Variants in PRPF40B observed in about 807,000 individuals in gnomAD.
PRPF40B encodes pre-mRNA processing factor 40B, also known as pre-mRNA-processing factor 40 homolog B.
In PRPF40B, 56 loss-of-function variants were observed where a neutral mutation model predicts 124.5. The observed-to-expected ratio is 0.45, with a 90% CI of 0.36 to 0.56. PRPF40B has a LOEUF of 0.56. Ranked by LOEUF, PRPF40B falls within the 20% of genes least tolerant of loss-of-function variation. The pLI is 0.00. For synonymous variants in PRPF40B, 443 were observed against 426.4 expected (o/e 1.04, Z -0.48); for missense variants, 1,053 against 1,169.5 (o/e 0.90, Z 1.45).
At chr12:49,639,263 A>T (rs921269539) in intron 18 of PRPF40B, 1 of 152,220 alleles carries the variant, frequency 6.6e-6, no homozygotes, top group Admixed American at 6.5e-5. Flanking sequence ...AAGCCTCAAG[A>T]TACTAAAACT....
chr12:49,634,775 G>A, intron 12 of PRPF40B, 173 bp downstream of exon 12: 1 of 714,144 alleles, frequency 1.4e-6, no homozygotes, highest in Non-Finnish European at 2.3e-6. Context: ...AGAAGGAAAG[G>A]AAAGGTATCT....
chr12:49,643,426 G>A, intron 23 of PRPF40B, 29 bp downstream of exon 23: 1 of 1,531,684 alleles, frequency 6.5e-7, no homozygotes, highest in Non-Finnish European at 8.8e-7. Context: ...CGTAGAAGCT[G>A]GAGAACTGTT....
chr12:49,625,961 C>G (rs773395575), intron 1 of PRPF40B, among the ~76,000 whole-genome samples: 19 of 152,172 alleles, frequency 1.2e-4, no homozygotes, highest in Non-Finnish European at 2.1e-4. Context: ...TTGTTCTGTC[C>G]TCTGTGGGGA....
Position 49,623,998 on chromosome 12 carries a change from C to G in PRPF40B, c.3+405C>G, listed in dbSNP as rs539916634. On this transcript the variant is annotated intron_variant, in intron 1 of 25. Transcript: ENST00000548825. Reference sequence around the variant, plus strand: ...GGTGTGCGACATGCCCTTCCCCCAGCCCCAGCGCCCGTTCCCTTTGGAAGC... The same window carrying G: ...GGTGTGCGACATGCCCTTCCCCCAGGCCCAGCGCCCGTTCCCTTTGGAAGC... 328 of 1,016,632 alleles carry G rather than the reference C, an allele frequency of 3.2e-4. 2 individuals are homozygous for G. The African/African-American group carries it at 5.2e-3, about 16-fold the overall frequency. 63.0% of individuals were successfully genotyped at this position (1,016,632 alleles called of 1,614,324 possible).
intron 18 of PRPF40B, 181 bp from the exon 19 acceptor site, chr12:49,641,727 T>A: frequency 3.4e-6 from 2 of 591,028 alleles, no homozygotes; most frequent in Non-Finnish European, 6.0e-6. Flanking sequence ...AGGGTAGGCA[T>A]GGGGGCTTAA....
rs1430765638 is a variant in PRPF40B at position 49,634,185 on chromosome 12, G to T, written c.812+93G>T. 3 of 1,573,768 alleles carry T rather than the reference G, an allele frequency of 1.9e-6. No homozygotes were observed. In the African/African-American group the frequency reaches 4.1e-5, roughly 21 times the overall value. On this transcript the variant is annotated intron_variant, in intron 10 of 25. Coordinates refer to ENST00000548825, the MANE Select transcript of PRPF40B (RefSeq NM_001031698.3). The stretch of plus-strand genomic sequence containing the variant: ...CTCTGCTGGGCCTCTCTCTCAGGAG[G>T]GGTTTGAAGATCTGGGTGTGACCTC...
chr12:49,635,181 C>T lies in PRPF40B; in HGVS notation c.1084C>T (p.Arg362Trp), dbSNP rs746174120. Reference sequence around the variant, plus strand: ...GGAGAAGGAGGAGAAGGAGGAGGCCCGGCTAAGGGCCAAAGAGGCCAAGCA... The same window carrying T: ...GGAGAAGGAGGAGAAGGAGGAGGCCTGGCTAAGGGCCAAAGAGGCCAAGCA... ...QREKEEKEEA[R>W]LRAKEAKQTL... is the part of the protein sequence containing the mutation. Residue 362 changes from arginine to tryptophan, a missense_variant, in exon 13 of 26, where the codon CGG (arginine) becomes TGG (tryptophan). By Grantham distance (101) the Arg-to-Trp change is moderately radical. Around this residue, in one of 2 missense-constraint regions of PRPF40B, gnomAD observed 895 missense variants for 1,052.2 expected, o/e 0.85. Coordinates refer to ENST00000548825, the MANE Select transcript of PRPF40B (RefSeq NM_001031698.3). This position sits in a 1 kb window ranked among gnomAD's most constrained non-coding sequence, Gnocchi z 4.1. 3.1e-6 allele frequency: 5 copies of T among 1,613,970 alleles called. No individual in the cohort carries two copies. The highest frequency in any genetic ancestry group is 2.7e-5 in the African/African-American group (2 of 74,908).
chr12:49,631,810 G>A lies in PRPF40B; in HGVS notation c.229-50G>A. The A allele has an allele frequency of 6.4e-7, 1 of 1,567,626 alleles. No homozygotes were observed. The highest frequency in any genetic ancestry group is 8.8e-7 in the Non-Finnish European group (1 of 1,138,786). The stretch of plus-strand genomic sequence containing the variant: ...CCCTTTGAGGTACCCTGTCCCTCCT[G>A]TTCCAGCCCTTACCTTGGTGGTTGG... On this transcript the variant is annotated intron_variant, in intron 3 of 25. Transcript: ENST00000548825. The surrounding 1 kb of genome is among the most constrained non-coding windows in gnomAD (Gnocchi z 4.3).
Position 49,635,927 on chromosome 12 carries a change from A to G in PRPF40B, c.1360A>G (p.Thr454Ala), listed in dbSNP as rs747835200. 3.7e-6 allele frequency: 6 copies of G among 1,613,934 alleles called. No individual in the cohort carries two copies. The Admixed American group carries it at 5.0e-5, about 13-fold the overall frequency. The change falls in exon 15 of 26, where the codon ACG becomes GCG. Residue 454 changes from threonine to alanine, a missense_variant. Coordinates refer to ENST00000548825, the MANE Select transcript of PRPF40B (RefSeq NM_001031698.3). The surrounding 1 kb of genome is among the most constrained non-coding windows in gnomAD (Gnocchi z 4.1). ...GATGAGTAGTGTCAACTTCCAAACC[A>G]CGTGGTCCCAGGCCCAGCAGTACCT... The part of the protein sequence containing the change: ...DGMSSVNFQT[T>A]WSQAQQYLMD...
Position 49,637,554 on chromosome 12 carries a change from G to A in PRPF40B, c.1645G>A (p.Val549Ile), listed in dbSNP as rs1407519808. Reference protein sequence around the residue: ...MELYPAVSTDVRFANMLGQPG... With the variant: ...MELYPAVSTDIRFANMLGQPG... ...GCTATATCCAGCAGTCAGCACTGAT[G>A]TCCGCTTTGCCAACATGCTGGGCCA... Residue 549 changes from valine (V) to isoleucine (I), a missense_variant, in exon 17 of 26, where the codon GTC (valine) becomes ATC (isoleucine). Val to Ile is a conservative substitution (Grantham distance 29, BLOSUM62 3). This residue lies in a region of PRPF40B where 895 missense variants were observed against 1,052.2 expected (regional missense o/e 0.85). Transcript: ENST00000548825. The A allele has an allele frequency of 1.9e-6, 3 of 1,613,724 alleles. No individual in the cohort carries two copies. In the African/African-American group the frequency reaches 4.0e-5, roughly 22 times the overall value.
chr12:49,641,662 T>C (rs1332158673), intron 18 of PRPF40B: 6 of 493,644 alleles, frequency 1.2e-5, no homozygotes, highest in African/African-American at 9.6e-5. Flanking sequence ...TCAGCATTAA[T>C]CAGCAGTTGG....
intron 1 of PRPF40B, 43 bp downstream of exon 1, chr12:49,623,636 A>G: frequency 8.2e-7 from 1 of 1,226,870 alleles, no homozygotes. Context: ...GGGCGGTCCC[A>G]CAGCGCCCCC....
At chr12:49,639,741 A>G (rs1942345911) in intron 18 of PRPF40B, 1 of 152,288 alleles carries the variant, frequency 6.6e-6, no homozygotes, top group South Asian at 2.1e-4. Flanking sequence ...TAGAATTGAT[A>G]GATTTTGTGA....
Position 49,637,835 on chromosome 12 carries a change from C to G in PRPF40B, c.1767+11C>G. The G allele has an allele frequency of 6.3e-7, 1 of 1,591,600 alleles. No individual in the cohort carries two copies. The highest frequency in any genetic ancestry group is 1.3e-5 in the African/African-American group (1 of 74,560). On this transcript the variant is annotated intron_variant, in intron 18 of 25. Coordinates refer to ENST00000548825, the MANE Select transcript of PRPF40B (RefSeq NM_001031698.3). ...AAGGACATCCTTAAGGTGAGGGAGG[C>G]TGGGGTTATGGATGGATACAGGATG...
rs1942877996 is a variant in PRPF40B, at chr12:49,643,015, CAGTG to C, written c.2205+3_2205+6del. Reference sequence around the variant, plus strand: ...CATCACAAGCGTTCCCACTCACCCTCAGTGAGTAAGCGTGTAGAAGGGACATGGG... The same window carrying C: ...CATCACAAGCGTTCCCACTCACCCTCAGTAAGCGTGTAGAAGGGACATGGG... On this transcript the variant is annotated splice_donor_variant and splice_donor_region_variant and coding_sequence_variant and intron_variant, in exon 22 of 26. Coordinates refer to ENST00000548825, the MANE Select transcript of PRPF40B (RefSeq NM_001031698.3). LOFTEE classifies it high-confidence loss of function. 3 of 1,613,306 alleles carry C rather than the reference CAGTG, an allele frequency of 1.9e-6. No individual in the cohort carries two copies. The East Asian group carries it at 6.7e-5, about 36-fold the overall frequency.
chr12:49,623,341 C>T (rs1565820410), upstream of PRPF40B: 1 of 187,604 alleles, frequency 5.3e-6, no homozygotes, highest in Non-Finnish European at 1.1e-5. Flanking sequence ...CGTGCCCCGC[C>T]CCCCGGGGGG....
In PRPF40B at chr12:49,631,320, G is replaced by A; in HGVS notation, c.85-81G>A. ...TGGAGGGTTGGGGAGGGAGGTGGTGGATATTTCCTGACAGGTCCTCTCTAC... is the reference window on the plus strand; with the variant it reads ...TGGAGGGTTGGGGAGGGAGGTGGTGAATATTTCCTGACAGGTCCTCTCTAC... On this transcript the variant is annotated intron_variant, in intron 2 of 25. Transcript: ENST00000548825. The surrounding 1 kb of genome is among the most constrained non-coding windows in gnomAD (Gnocchi z 4.3). 1 of 1,027,364 alleles carries A rather than the reference G, an allele frequency of 9.7e-7. No homozygotes were observed. The highest frequency in any genetic ancestry group is 1.7e-5 in the African/African-American group (1 of 60,562). The allele number at this position is 1,027,364 out of a possible 1,614,324, so 63.6% of individuals were successfully genotyped here. A position where few individuals can be genotyped will look rare whatever the true frequency, so the allele number is the denominator to read the frequency against.
At chr12:49,636,566 G>C in intron 15 of PRPF40B, 150 bp from the exon 16 acceptor site, 1 of 881,948 alleles carries the variant, frequency 1.1e-6, no homozygotes, top group East Asian at 2.5e-5. Context: ...TGCAGTGGCT[G>C]CTCCCACAGA....
rs973122141 is a variant in PRPF40B, at chr12:49,631,373, C to T, written c.85-28C>T. ...CTGACAAGGCGATGTCTTCCCTGCT[C>T]AGTATCTCTTCCTTTACTCATTTCC... On this transcript the variant is annotated intron_variant, in intron 2 of 25. Transcript: ENST00000548825. This position sits in a 1 kb window ranked among gnomAD's most constrained non-coding sequence, Gnocchi z 4.3. The T allele has an allele frequency of 1.3e-6, 2 of 1,491,712 alleles. No homozygotes were observed. The highest frequency in any genetic ancestry group is 1.8e-6 in the Non-Finnish European group (2 of 1,120,714). The allele number at this position is 1,491,712 out of a possible 1,614,324, so 92.4% of individuals were successfully genotyped here. A position where few individuals can be genotyped will look rare whatever the true frequency, so the allele number is the denominator to read the frequency against.
Sources: allele counts gnomAD v4.1 joint callset (sites outside exome capture counted in the v4.1 genomes callset), GRCh38; gene constraint gnomAD v4.1.1; regional missense constraint gnomAD v4.1.1; non-coding constraint Gnocchi (gnomAD v3.1); transcripts MANE v1.5; gene names NCBI Gene and HGNC (gene_info 2026-07-23, HGNC 2026-07-21).